CLTCL1: variants seen among roughly 807,000 people sequenced by gnomAD.
CLTCL1 encodes clathrin heavy chain like 1, also known as clathrin heavy chain 2.
In CLTCL1, 159 loss-of-function variants were observed where a neutral mutation model predicts 190.0. That is an observed-to-expected ratio of 0.84 (90% confidence interval 0.74 to 0.95). The LOEUF (loss-of-function observed/expected upper bound fraction) is 0.95, where lower values mean the gene tolerates loss of function less well. Ranked by LOEUF, CLTCL1 falls within the 40% of genes least tolerant of loss-of-function variation. The pLI, the probability that CLTCL1 is intolerant of heterozygous loss-of-function variation, is 0.00. For synonymous variants in CLTCL1, 752 were observed against 769.6 expected (o/e 0.98, Z 0.38); for missense variants, 1,878 against 2,033.4 (o/e 0.92, Z 1.47).
At chr22:19,220,089 T>G in intron 17 of CLTCL1, 82 bp from the exon 18 acceptor site, 1 of 1,567,038 alleles carries the variant, frequency 6.4e-7, no homozygotes, top group Non-Finnish European at 8.7e-7. Context: ...ATTCGTTCCC[T>G]GTGTGCCTGA....
chr22:19,199,293 C>A (rs1569159945), intron 24 of CLTCL1, among the ~76,000 whole-genome samples: 1 of 152,152 alleles, frequency 6.6e-6, no homozygotes, highest in Non-Finnish European at 1.5e-5. Flanking sequence ...CCAAAGGGTC[C>A]AGGTGGGGTT....
intron 26 of CLTCL1, among the ~76,000 whole-genome samples, chr22:19,195,307 G>T (rs114520575): frequency 9.3e-4 from 142 of 152,222 alleles, no homozygotes; most frequent in African/African-American, 3.3e-3. Flanking sequence ...CCACTTTCAC[G>T]TACCACCATG....
chr22:19,264,061 G>T (rs2146198982), intron 2 of CLTCL1, among the ~76,000 whole-genome samples: 1 of 152,258 alleles, frequency 6.6e-6, no homozygotes, highest in Middle Eastern at 3.4e-3. Context: ...TTGGGAAGCT[G>T]AGACGGGATG....
chr22:19,219,777 C>T (rs2085509076), intron 18 of CLTCL1, 108 bp downstream of exon 18: 2 of 1,509,930 alleles, frequency 1.3e-6, no homozygotes, highest in Non-Finnish European at 1.8e-6. Context: ...TGAGCCACTG[C>T]CCTCAGCCAA....
rs539645364 is a variant in CLTCL1 at position 19,222,671 on chromosome 22, G to A, written c.2418+13C>T. On this transcript the variant is annotated intron_variant, in intron 15 of 32. Transcript: ENST00000427926. ...AGAGGCAGCCGGGTGTCACTCCAGG[G>A]AGCCAGCAGTACCTTCTGCACGTAG... 16 of 1,585,510 alleles carry A rather than the reference G, an allele frequency of 1.0e-5. No homozygotes were observed. The South Asian group carries it at 1.7e-4, about 17-fold the overall frequency.
chr22:19,241,437 G>A (rs373954452), intron 4 of CLTCL1, among the ~76,000 whole-genome samples: 3 of 152,224 alleles, frequency 2.0e-5, no homozygotes, highest in East Asian at 1.9e-4. Context: ...AGGCTGACAC[G>A]TGACCCGAGT....
intron 26 of CLTCL1, among the ~76,000 whole-genome samples, chr22:19,195,717 C>G (rs1555935008): frequency 2.0e-5 from 3 of 152,198 alleles, no homozygotes; most frequent in African/African-American, 7.2e-5. Flanking sequence ...CTCACTTGAC[C>G]ATGGCACCCA....
In CLTCL1 at chr22:19,221,461, C is replaced by G. The variant is rs562955207; in HGVS notation, c.2712G>C (p.Val904=). ...LRENAYYDSS[V]VGRYCEKRDP... is the part of the protein sequence containing the mutation. ...CTCGCTTCTCACAGTAGCGGCCCAC[C>G]ACGCTGCTGTCATAGTAGGCATTCT... The change falls in exon 17 of 33, where the codon GTG becomes GTC. Residue 904 remains valine, a synonymous_variant. Coordinates refer to ENST00000427926, the MANE Select transcript of CLTCL1 (RefSeq NM_007098.4). The G allele has an allele frequency of 2.5e-6, 4 of 1,583,792 alleles. No homozygotes were observed. Among genetic ancestry groups the G allele is most frequent in the Non-Finnish European group, 3.4e-6 (4 of 1,164,588 alleles).
chr22:19,195,899 G>A (rs2084684593), intron 26 of CLTCL1, among the ~76,000 whole-genome samples: 1 of 152,130 alleles, frequency 6.6e-6, no homozygotes, highest in South Asian at 2.1e-4. Flanking sequence ...ACCACAGGAA[G>A]TGGGGGTGGG....
intron 3 of CLTCL1, among the ~76,000 whole-genome samples, chr22:19,253,247 C>T (rs782591012): frequency 1.3e-5 from 2 of 152,108 alleles, no homozygotes; most frequent in African/African-American, 2.4e-5. Flanking sequence ...TGCAGACACA[C>T]GGGGGCCAGA....
chr22:19,276,219 G>C (rs763904254), intron 1 of CLTCL1, among the ~76,000 whole-genome samples: 10 of 152,172 alleles, frequency 6.6e-5, no homozygotes, highest in Admixed American at 3.9e-4. Context: ...AGGTGAAGGC[G>C]AGGGAAGTGG....
intron 27 of CLTCL1, among the ~76,000 whole-genome samples, chr22:19,190,365 C>A (rs1312668208): frequency 6.6e-6 from 1 of 152,168 alleles, no homozygotes; most frequent in Non-Finnish European, 1.5e-5. Flanking sequence ...AGAACACATA[C>A]AACATTTATC....
chr22:19,216,857 G>A (rs1229895309), intron 18 of CLTCL1, among the ~76,000 whole-genome samples: 4 of 152,230 alleles, frequency 2.6e-5, no homozygotes, highest in East Asian at 1.9e-4. Flanking sequence ...AGTTTGGAAC[G>A]CCAGCACTGT....
At chr22:19,226,167 A>G (rs1228856360) in intron 12 of CLTCL1, 52 bp downstream of exon 12, 1 of 1,580,816 alleles carries the variant, frequency 6.3e-7, no homozygotes, top group Non-Finnish European at 8.6e-7. Flanking sequence ...AGCATGTGAC[A>G]TTAATTGCAT....
intron 23 of CLTCL1, among the ~76,000 whole-genome samples, chr22:19,200,210 G>C (rs11914061): frequency 6.6e-6 from 1 of 152,076 alleles, no homozygotes; most frequent in Non-Finnish European, 1.5e-5. Flanking sequence ...TTGTTTTCAC[G>C]GGGGAGCTTG....
chr22:19,193,043 C>T (rs1027834526), intron 26 of CLTCL1, among the ~76,000 whole-genome samples: 2 of 152,182 alleles, frequency 1.3e-5, no homozygotes, highest in Non-Finnish European at 2.9e-5. Flanking sequence ...TCTTCTGTGG[C>T]GAATCACCTC....
At chr22:19,192,395 G>A (rs2084541156) in intron 26 of CLTCL1, among the ~76,000 whole-genome samples, 1 of 152,194 alleles carries the variant, frequency 6.6e-6, no homozygotes. Flanking sequence ...CTTGCTGACT[G>A]TGGCATCGAT....
Position 19,190,596 on chromosome 22 carries a change from C to CAAAAAAAAAA in CLTCL1, c.4323+698_4323+707dup, listed in dbSNP as rs55780206. Among the ~76,000 whole-genome samples, 55 of 72,814 alleles carry CAAAAAAAAAA rather than the reference C, an allele frequency of 7.6e-4. 2 individuals carry two copies. Among genetic ancestry groups the CAAAAAAAAAA allele is most frequent in the African/African-American group, 2.1e-3 (39 of 18,330 alleles). 47.8% of individuals were successfully genotyped at this position (72,814 alleles called of 152,430 possible). A position where few individuals can be genotyped will look rare whatever the true frequency, so the allele number is the denominator to read the frequency against. ...CCTGGGCAACAGAGCAAGACTGTCT[C>CAAAAAAAAAA]AAAAAAAAAAAAAAAAAAAAAAAGA... On this transcript the variant is annotated intron_variant, in intron 27 of 32. Transcript: ENST00000427926.
intron 2 of CLTCL1, among the ~76,000 whole-genome samples, chr22:19,275,156 G>C (rs1555982519): frequency 6.6e-6 from 1 of 152,144 alleles, no homozygotes; most frequent in African/African-American, 2.4e-5. Context: ...AAGATAACTA[G>C]AAGGCTTTAA....
Sources: gnomAD v4.1 joint callset for allele counts (sites outside exome capture counted in the v4.1 genomes callset) on GRCh38, gnomAD v4.1.1 for gene constraint, MANE v1.5 for transcripts, NCBI Gene and HGNC (gene_info 2026-07-23, HGNC 2026-07-21) for gene names.